TTK: variants seen among roughly 807,000 people sequenced by gnomAD.
The protein encoded by TTK is TTK protein kinase.
TTK carries 59 observed loss-of-function variants against 117.3 expected under a neutral mutation model. The ratio of observed to expected loss-of-function variants is 0.50; its 90% CI spans 0.41 to 0.62. The LOEUF (loss-of-function observed/expected upper bound fraction) is 0.62. Among genes scored for constraint, TTK ranks in the 20% least tolerant of loss-of-function variants. The pLI is 0.00. For missense variants in TTK, 921 were observed against 989.4 expected (o/e 0.93, Z 0.93); for synonymous variants, 302 against 325.0 (o/e 0.93, Z 0.76).
At chr6:80,006,296 T>C (rs1766993240) in intron 2 of TTK, 1 of 293,200 alleles carries the variant, frequency 3.4e-6, no homozygotes, top group African/African-American at 2.2e-5. Flanking sequence ...GTATTTCAAA[T>C]GGTTGGTCAT....
intron 9 of TTK, 105 bp downstream of exon 9, chr6:80,013,471 T>C: frequency 1.1e-6 from 1 of 926,484 alleles, no homozygotes; most frequent in Non-Finnish European, 1.7e-6. Flanking sequence ...AGTTCATGTA[T>C]CTCCAACAGT....
At chr6:80,026,546 G>C (rs1767612776) in intron 12 of TTK, 32 bp downstream of exon 12, 2 of 1,610,954 alleles carry the variant, frequency 1.2e-6, no homozygotes, top group Admixed American at 1.7e-5. Flanking sequence ...TTGATTGGCA[G>C]GGTGGTATGA....
At chr6:80,022,211 G>A in intron 10 of TTK, 113 bp from the exon 11 acceptor site, 1 of 1,164,494 alleles carries the variant, frequency 8.6e-7, no homozygotes, top group Non-Finnish European at 1.2e-6. Context: ...CTCCCTCCTT[G>A]ATTGTTTTTA....
Position 80,011,875 on chromosome 6 carries a change from A to C in TTK, c.802-11A>C, listed in dbSNP as rs779358884. ...CCTAGTTGGTTATTTAATCTTTCAA[A>C]ATATTTTTAGTCATGCCCATTTGGA... is the stretch of plus-strand genomic sequence containing the variant. On this transcript the variant is annotated splice_polypyrimidine_tract_variant and intron_variant, in intron 7 of 21. Transcript: ENST00000369798. 6.2e-7 allele frequency: 1 copy of C among 1,612,304 alleles called. No homozygotes were observed. The highest frequency in any genetic ancestry group is 2.2e-5 in the East Asian group (1 of 44,754).
At chr6:80,040,494 A>G (rs369290097) in intron 20 of TTK, 112 bp from the exon 21 acceptor site, 2 of 978,592 alleles carry the variant, frequency 2.0e-6, no homozygotes, top group East Asian at 2.8e-5. Flanking sequence ...AACGGGTTAT[A>G]ATCAGTGATA....
In TTK at chr6:80,040,231, C is replaced by T; in HGVS notation, c.2343C>T (p.Ser781=). The T allele has an allele frequency of 6.3e-7, 1 of 1,590,592 alleles. No homozygotes were observed. Among genetic ancestry groups the T allele is most frequent in the Non-Finnish European group, 8.6e-7 (1 of 1,169,444 alleles). ...AAAGGGACCCAAAACAGAGGATATC[C>T]ATTCCTGAGCTCCTGGCTCATCCAT... ...CLKRDPKQRI[S]IPELLAHPYV... is the part of the protein sequence containing the mutation. Residue 781 remains serine (S), a synonymous_variant, in exon 20 of 22, where the codon TCC becomes TCT. Coordinates refer to ENST00000369798, the MANE Select transcript of TTK (RefSeq NM_003318.5).
intron 14 of TTK, 132 bp from the exon 15 acceptor site, chr6:80,034,853 C>A: frequency 2.7e-6 from 2 of 739,064 alleles, no homozygotes; most frequent in South Asian, 5.5e-5. Context: ...CAAAATAGGC[C>A]CAGAAACTTT....
intron 10 of TTK, among the ~76,000 whole-genome samples, chr6:80,015,599 A>C (rs563712065): frequency 2.3e-4 from 35 of 152,306 alleles, no homozygotes; most frequent in Non-Finnish European, 4.9e-4. Flanking sequence ...TTGGTTGGGA[A>C]CAGATTCTTA....
At chr6:80,010,256 T>C (rs1450203219) in intron 4 of TTK, among the ~76,000 whole-genome samples, 1 of 151,984 alleles carries the variant, frequency 6.6e-6, no homozygotes, top group East Asian at 1.9e-4. Context: ...TGCATTCTTT[T>C]TCAGGCTGGT....
intron 20 of TTK, 60 bp downstream of exon 20, chr6:80,040,340 T>A: frequency 7.4e-7 from 1 of 1,348,456 alleles, no homozygotes; most frequent in Non-Finnish European, 1.0e-6. Context: ...GTCTGTTACC[T>A]ATTAATATAA....
At chr6:80,015,035 T>C (rs1767269843) in intron 10 of TTK, among the ~76,000 whole-genome samples, 1 of 152,144 alleles carries the variant, frequency 6.6e-6, no homozygotes, top group Non-Finnish European at 1.5e-5. Flanking sequence ...AATGCAATGC[T>C]GAATAGAATG....
chr6:80,008,060 A>G (rs1582085967), intron 3 of TTK, 29 bp downstream of exon 3: 1 of 1,603,708 alleles, frequency 6.2e-7, no homozygotes, highest in Non-Finnish European at 8.5e-7. Context: ...ACTATGTTCA[A>G]CTATGTTACA....
At chr6:80,011,017 G>A in intron 5 of TTK, 60 bp downstream of exon 5, 1 of 1,481,018 alleles carries the variant, frequency 6.8e-7, no homozygotes. Flanking sequence ...TAAAGATTCG[G>A]GATAATAATT....
chr6:80,008,329 C>A, intron 3 of TTK, 57 bp from the exon 4 acceptor site: 1 of 1,517,838 alleles, frequency 6.6e-7, no homozygotes, highest in Non-Finnish European at 9.0e-7. Context: ...GAAGCATTAT[C>A]AAATTTAAGT....
intron 21 of TTK, among the ~76,000 whole-genome samples, chr6:80,041,131 G>A (rs1412886277): frequency 6.6e-6 from 1 of 151,648 alleles, no homozygotes; most frequent in Admixed American, 6.6e-5. Context: ...CAAGTCTCAA[G>A]CTTTTTAGCT....
chr6:80,027,808 C>A, intron 12 of TTK, 77 bp from the exon 13 acceptor site: 1 of 1,219,396 alleles, frequency 8.2e-7, no homozygotes, highest in South Asian at 1.8e-5. Flanking sequence ...TTATATCAGT[C>A]TAAAATACAT....
chr6:80,022,829 T>A (rs1280094234), intron 11 of TTK, among the ~76,000 whole-genome samples: 1 of 152,190 alleles, frequency 6.6e-6, no homozygotes, highest in Non-Finnish European at 1.5e-5. Flanking sequence ...AGTTGATTAG[T>A]TGTATTAGAG....
At chr6:80,026,020 T>G (rs1363499933) in intron 11 of TTK, among the ~76,000 whole-genome samples, 1 of 152,106 alleles carries the variant, frequency 6.6e-6, no homozygotes, top group Non-Finnish European at 1.5e-5. Flanking sequence ...TTTTATTGAT[T>G]AAAGAAAGGC....
In TTK at chr6:80,010,833, A is replaced by G. The variant is rs756038032; in HGVS notation, c.489A>G (p.Lys163=). ...TGTTAGGTAATGTCAAAAAAAGTAA[A>G]CAACTTCTTCAAAAAGCTGTAGAAC... is the stretch of plus-strand genomic sequence containing the variant. The part of the protein sequence containing the change: ...ELSQGNVKKS[K]QLLQKAVERG... Residue 163 remains lysine, a synonymous_variant, in exon 5 of 22, where the codon AAA becomes AAG. Coordinates refer to ENST00000369798, the MANE Select transcript of TTK (RefSeq NM_003318.5). The G allele has an allele frequency of 2.5e-6, 4 of 1,611,098 alleles. No individual in the cohort carries two copies.
Sources: allele counts gnomAD v4.1 joint callset (sites outside exome capture counted in the v4.1 genomes callset), GRCh38; gene constraint gnomAD v4.1.1; transcripts MANE v1.5; gene names NCBI Gene and HGNC (gene_info 2026-07-23, HGNC 2026-07-21).